Variants in CA10 observed in about 807,000 individuals in gnomAD.
CA10 encodes the protein carbonic anhydrase 10 (inactive).
Under a neutral mutation model 44.2 loss-of-function variants are expected in CA10, and 14 were observed. That is an observed-to-expected ratio of 0.32 (90% confidence interval 0.21 to 0.50). The LOEUF (loss-of-function observed/expected upper bound fraction) is 0.50, where lower values mean the gene tolerates loss of function less well. Among genes scored for constraint, CA10 ranks in the 20% least tolerant of loss-of-function variants. The pLI, the probability that CA10 is intolerant of heterozygous loss-of-function variation, is 0.99. For missense variants in CA10, 350 were observed against 409.7 expected, an observed-to-expected ratio of 0.85 and a Z score of 1.26; for synonymous variants, 159 against 141.6, an observed-to-expected ratio of 1.12 and a Z score of -0.87.
chr17:51,829,010 T>C (rs1209000471), intron 3 of CA10, among the ~76,000 whole-genome samples: 1 of 152,206 alleles, frequency 6.6e-6, no homozygotes, highest in East Asian at 1.9e-4. Context: ...TGGTTGTTAC[T>C]TAAGTCAGTA....
In CA10 at chr17:51,921,909, G is replaced by T. The variant is rs148763612; in HGVS notation, c.279+9081C>A. On this transcript the variant is annotated intron_variant, in intron 3 of 8. Coordinates refer to ENST00000451037, the MANE Select transcript of CA10 (RefSeq NM_020178.5). ...TTGGGTTTGGGGTACTAGCGAGGTG[G>T]CTCTGAATTCTTCTTCTGTCTTCCA... is the stretch of plus-strand genomic sequence containing the variant. 6.6e-5 allele frequency among the ~76,000 whole-genome samples: 10 copies of T among 152,246 alleles called. No individual in the cohort carries two copies. The East Asian group carries it at 1.5e-3, about 24-fold the overall frequency.
intron 3 of CA10, among the ~76,000 whole-genome samples, chr17:51,784,679 AG>A (rs1162168643): frequency 6.6e-6 from 1 of 152,226 alleles, no homozygotes; most frequent in African/African-American, 2.4e-5. Flanking sequence ...GTATTTATGC[AG>A]TACAAGAGAT....
At chr17:52,149,599 C>CA (rs1159464776) in intron 1 of CA10, among the ~76,000 whole-genome samples, 1 of 152,090 alleles carries the variant, frequency 6.6e-6, no homozygotes, top group East Asian at 1.9e-4. Context: ...ATAAAAACTG[C>CA]AAAAAAGTTA....
chr17:52,013,604 T>A (rs1985877311), intron 2 of CA10, among the ~76,000 whole-genome samples: 1 of 151,852 alleles, frequency 6.6e-6, no homozygotes. Context: ...TAGAAAGAAA[T>A]AGATTACCAT....
At position 51,642,142 on chromosome 17, in the gene CA10, G is replaced by A. The variant is rs557701059; in HGVS notation, c.635-6133C>T. On this transcript the variant is annotated intron_variant, in intron 6 of 8. Transcript: ENST00000451037. Reference sequence around the variant, plus strand: ...AGGGACCTCTGAGAATTGGATTCGTGGAGGTAAGCTGCTCCTGTTCTGTTC... The same window carrying A: ...AGGGACCTCTGAGAATTGGATTCGTAGAGGTAAGCTGCTCCTGTTCTGTTC... Among the ~76,000 whole-genome samples the A allele has an allele frequency of 1.6e-4, 24 of 152,314 alleles. No individual in the cohort carries two copies. In the South Asian group the frequency reaches 4.8e-3, roughly 30 times the overall value.
chr17:51,698,965 T>C (rs964683309), intron 4 of CA10, among the ~76,000 whole-genome samples: 6 of 152,168 alleles, frequency 3.9e-5, no homozygotes, highest in Admixed American at 1.3e-4. Context: ...TTTCTATATA[T>C]TGGTTATTAT....
chr17:51,963,550 T>C (rs1241862061), intron 2 of CA10, among the ~76,000 whole-genome samples: 1 of 152,188 alleles, frequency 6.6e-6, no homozygotes, highest in Admixed American at 6.5e-5. Flanking sequence ...AGGAACCACC[T>C]AAGGCTAACA....
intron 4 of CA10, among the ~76,000 whole-genome samples, chr17:51,685,023 C>A (rs1914961384): frequency 6.6e-6 from 1 of 152,126 alleles, no homozygotes; most frequent in African/African-American, 2.4e-5. Context: ...ACATGTGGGT[C>A]AAAGGCAAAT....
chr17:52,114,438 C>A (rs1241007188), intron 1 of CA10, among the ~76,000 whole-genome samples: 1 of 152,154 alleles, frequency 6.6e-6, no homozygotes, highest in Non-Finnish European at 1.5e-5. Flanking sequence ...CCTCAGTTTG[C>A]CCAGTTGTAA....
chr17:52,130,629 G>T (rs1283663545), intron 1 of CA10, among the ~76,000 whole-genome samples: 1 of 152,142 alleles, frequency 6.6e-6, no homozygotes, highest in African/African-American at 2.4e-5. Flanking sequence ...TAGAATGGTG[G>T]TTACTAGCGA....
chr17:51,965,769 G>C (rs1407637885), intron 2 of CA10, among the ~76,000 whole-genome samples: 1 of 151,866 alleles, frequency 6.6e-6, no homozygotes, highest in East Asian at 1.9e-4. Flanking sequence ...ACAGGCAAAA[G>C]CTGAAAGCAT....
At chr17:51,741,054 T>C (rs1904441287) in intron 4 of CA10, among the ~76,000 whole-genome samples, 1 of 152,266 alleles carries the variant, frequency 6.6e-6, no homozygotes, top group Non-Finnish European at 1.5e-5. Context: ...TTTTATTTGT[T>C]TTATTCACTG....
chr17:52,062,559 G>T (rs1191311985), intron 2 of CA10, among the ~76,000 whole-genome samples: 2 of 152,192 alleles, frequency 1.3e-5, no homozygotes, highest in Non-Finnish European at 2.9e-5. Flanking sequence ...CAGGGAACAG[G>T]CCCGAGTTAC....
In CA10 at chr17:51,948,082, G is replaced by A. The variant is rs74714865; in HGVS notation, c.137-16950C>T. Among the ~76,000 whole-genome samples, 1,420 of 152,178 alleles carry A rather than the reference G, an allele frequency of 9.3e-3. 25 individuals carry two copies. The highest frequency in any genetic ancestry group is 7.7e-3 in the Non-Finnish European group (526 of 68,006). On this transcript the variant is annotated intron_variant, in intron 2 of 8. Transcript: ENST00000451037. ...TCCTTTAGGACTTCAAGTAAAGGAG[G>A]CCAAGGAAACTGAGCTCAACTCAAG...
intron 4 of CA10, among the ~76,000 whole-genome samples, chr17:51,741,109 T>C (rs1036688436): frequency 2.0e-5 from 3 of 152,230 alleles, no homozygotes; most frequent in Non-Finnish European, 4.4e-5. Flanking sequence ...GATGAATGAA[T>C]GAAGGTAAAC....
At chr17:52,061,533 A>G (rs1987384779) in intron 2 of CA10, among the ~76,000 whole-genome samples, 1 of 152,056 alleles carries the variant, frequency 6.6e-6, no homozygotes. Context: ...CCCAAATCTC[A>G]TCTTAAATTG....
intron 3 of CA10, among the ~76,000 whole-genome samples, chr17:51,847,250 C>A (rs1978535871): frequency 6.6e-6 from 1 of 152,150 alleles, no homozygotes; most frequent in South Asian, 2.1e-4. Context: ...TATAACCAGA[C>A]AACTAATACT....
chr17:52,061,991 G>C (rs1221991247), intron 2 of CA10, among the ~76,000 whole-genome samples: 1 of 151,496 alleles, frequency 6.6e-6, no homozygotes, highest in African/African-American at 2.4e-5. Flanking sequence ...GTCACATACT[G>C]AATTTCTGAG....
At chr17:52,008,146 A>T (rs1985664909) in intron 2 of CA10, among the ~76,000 whole-genome samples, 1 of 151,692 alleles carries the variant, frequency 6.6e-6, no homozygotes. Flanking sequence ...ACTTGTATTG[A>T]TCATCTCTTC....
Sources: gnomAD v4.1 joint callset for allele counts (sites outside exome capture counted in the v4.1 genomes callset) on GRCh38, gnomAD v4.1.1 for gene constraint, MANE v1.5 for transcripts, NCBI Gene and HGNC (gene_info 2026-07-23, HGNC 2026-07-21) for gene names.